Variants in MSRA observed in about 807,000 individuals in gnomAD.
The protein encoded by MSRA is methionine sulfoxide reductase A, also known as mitochondrial peptide methionine sulfoxide reductase.
A neutral mutation model predicts 31.3 loss-of-function variants in MSRA; 54 were observed. The observed-to-expected ratio is 1.73, with a 90% CI of 1.39 to 2.17. MSRA has a LOEUF of 2.17. Among genes scored for constraint, MSRA ranks in the 30% most tolerant of loss-of-function variants. The probability of loss-of-function intolerance (pLI) is 0.00; values close to 1 mark genes in which losing one functional copy is unlikely to be tolerated. For missense variants in MSRA, 507 were observed against 300.9 expected (o/e 1.69, Z -5.07); for synonymous variants, 169 against 116.5 (o/e 1.45, Z -2.90).
At chr8:10,362,266 TAGG>T (rs1430225268) in intron 5 of MSRA, among the ~76,000 whole-genome samples, 1 of 152,116 alleles carries the variant, frequency 6.6e-6, no homozygotes, top group African/African-American at 2.4e-5. Flanking sequence ...CGTCCTTACT[TAGG>T]AGCACTCCTG....
intron 5 of MSRA, among the ~76,000 whole-genome samples, chr8:10,355,742 AGG>A (rs1804469770): frequency 6.6e-6 from 1 of 152,044 alleles, no homozygotes; most frequent in African/African-American, 2.4e-5. Flanking sequence ...GTCCTGGGTG[AGG>A]GTCTGCAGAT....
chr8:10,341,899 A>G (rs1803451146), intron 5 of MSRA, among the ~76,000 whole-genome samples: 1 of 152,232 alleles, frequency 6.6e-6, no homozygotes, highest in South Asian at 2.1e-4. Context: ...GGACAGTGCC[A>G]GCTAAGATAC....
chr8:10,257,164 C>T (rs1000531472), intron 3 of MSRA, among the ~76,000 whole-genome samples: 1 of 152,058 alleles, frequency 6.6e-6, no homozygotes, highest in Non-Finnish European at 1.5e-5. Context: ...CCATTTCCAT[C>T]AGGGGTGGCC....
chr8:10,277,358 A>G lies in MSRA; in HGVS notation c.332-24176A>G, dbSNP rs1324914325. Among the ~76,000 whole-genome samples the G allele has an allele frequency of 2.6e-5, 4 of 152,172 alleles. No homozygotes were observed. The South Asian group carries it at 6.2e-4, about 24-fold the overall frequency. On this transcript the variant is annotated intron_variant, in intron 3 of 5. Coordinates refer to ENST00000317173, the MANE Select transcript of MSRA (RefSeq NM_012331.5). ...GAGTCAGTAACCCTGGAGCTACTCC[A>G]CTTTCTCTCACCAAAGCGCTGTGTT...
intron 5 of MSRA, among the ~76,000 whole-genome samples, chr8:10,397,055 CTG>C (rs1807140659): frequency 6.6e-6 from 1 of 152,220 alleles, no homozygotes; most frequent in South Asian, 2.1e-4. Context: ...AGAGCAGAGA[CTG>C]TGTCCTGCTC....
chr8:10,158,141 A>G (rs1804321299), intron 1 of MSRA, among the ~76,000 whole-genome samples: 1 of 152,166 alleles, frequency 6.6e-6, no homozygotes, highest in Admixed American at 6.6e-5. Flanking sequence ...AATCCCATCC[A>G]TTAGGGCCCC....
chr8:10,260,166 G>A (rs574740882), intron 3 of MSRA, among the ~76,000 whole-genome samples: 1 of 152,244 alleles, frequency 6.6e-6, no homozygotes, highest in African/African-American at 2.4e-5. Context: ...ATGAGCGGCT[G>A]TGTGTGGGCG....
intron 1 of MSRA, among the ~76,000 whole-genome samples, chr8:10,173,506 G>A (rs1191019905): frequency 1.3e-5 from 2 of 152,204 alleles, no homozygotes; most frequent in Non-Finnish European, 2.9e-5. Context: ...CCTGAACCCT[G>A]AAGGAATCGG....
chr8:10,362,739 C>G (rs978982708), intron 5 of MSRA, among the ~76,000 whole-genome samples: 1 of 152,066 alleles, frequency 6.6e-6, no homozygotes, highest in Non-Finnish European at 1.5e-5. Context: ...AAATCAAGCT[C>G]GAGCTGCCTG....
intron 1 of MSRA, among the ~76,000 whole-genome samples, chr8:10,182,242 T>TA (rs1353359466): frequency 6.6e-6 from 1 of 152,226 alleles, no homozygotes; most frequent in Non-Finnish European, 1.5e-5. Flanking sequence ...ACAGAATGAC[T>TA]AAGAATATGC....
At chr8:10,287,099 A>G (rs1799977936) in intron 3 of MSRA, among the ~76,000 whole-genome samples, 1 of 152,200 alleles carries the variant, frequency 6.6e-6, no homozygotes, top group South Asian at 2.1e-4. Context: ...TCCTACATTA[A>G]TTACTGACCA....
chr8:10,262,920 G>T (rs781450573), intron 3 of MSRA, among the ~76,000 whole-genome samples: 2 of 152,110 alleles, frequency 1.3e-5, no homozygotes, highest in Non-Finnish European at 2.9e-5. Flanking sequence ...ATTTTTTGCC[G>T]TGTTGGTCAT....
intron 1 of MSRA, among the ~76,000 whole-genome samples, chr8:10,091,349 C>G (rs1209152418): frequency 1.3e-5 from 2 of 152,200 alleles, no homozygotes; most frequent in Non-Finnish European, 2.9e-5. Context: ...CTAAATCAAG[C>G]TAATTATGTG....
chr8:10,381,207 C>G (rs1158572344), intron 5 of MSRA, among the ~76,000 whole-genome samples: 1 of 152,142 alleles, frequency 6.6e-6, no homozygotes, highest in African/African-American at 2.4e-5. Flanking sequence ...TCTCCTTTTT[C>G]TTCTTCCCAC....
At chr8:10,410,867 T>G (rs527859923) in intron 5 of MSRA, among the ~76,000 whole-genome samples, 22 of 152,386 alleles carry the variant, frequency 1.4e-4, no homozygotes, top group South Asian at 6.2e-4. Flanking sequence ...CTTATGTTCT[T>G]GAGGGAGTTC....
intron 1 of MSRA, among the ~76,000 whole-genome samples, chr8:10,196,267 A>G (rs1333173508): frequency 6.6e-6 from 1 of 152,188 alleles, no homozygotes; most frequent in Non-Finnish European, 1.5e-5. Flanking sequence ...GCTGTGGTGT[A>G]GAACTGCTTG....
rs574174941 is a variant in MSRA at position 10,255,808 on chromosome 8, A to T, written c.331+10585A>T. 7.9e-3 allele frequency among the ~76,000 whole-genome samples: 936 copies of T among 117,744 alleles called. 8 individuals carry two copies. Among genetic ancestry groups the T allele is most frequent in the East Asian group, 0.023 (106 of 4,648 alleles). The allele number at this position is 117,744 out of a possible 152,430, so 77.2% of individuals were successfully genotyped here. On this transcript the variant is annotated intron_variant, in intron 3 of 5. Transcript: ENST00000317173. ...TTGGGAGGCTGCTGGTTTTTTTTTT[A>T]AAAAACAAGTTTTAATTTTTTCATC... is the stretch of plus-strand genomic sequence containing the variant.
At chr8:10,349,385 C>T (rs569989622) in intron 5 of MSRA, among the ~76,000 whole-genome samples, 3 of 151,924 alleles carry the variant, frequency 2.0e-5, no homozygotes, top group South Asian at 2.1e-4. Flanking sequence ...GGCCTGCACA[C>T]GTACCGTTGC....
intron 1 of MSRA, among the ~76,000 whole-genome samples, chr8:10,129,988 C>T (rs1801782637): frequency 6.6e-6 from 1 of 152,140 alleles, no homozygotes; most frequent in South Asian, 2.1e-4. Flanking sequence ...GTATGTGCAC[C>T]TATCCCCATC....
Sources: gnomAD v4.1 joint callset for allele counts (sites outside exome capture counted in the v4.1 genomes callset) on GRCh38, gnomAD v4.1.1 for gene constraint, MANE v1.5 for transcripts, NCBI Gene and HGNC (gene_info 2026-07-23, HGNC 2026-07-21) for gene names.